Variants in PCDH11Y observed in about 807,000 individuals in gnomAD.
The protein encoded by PCDH11Y is protocadherin-11 Y-linked.
For synonymous variants in PCDH11Y, 9 were observed against 83.6 expected, an observed-to-expected ratio of 0.11 and a Z score of 4.87; for missense variants, 12 against 224.8, an observed-to-expected ratio of 0.05 and a Z score of 6.05.
intron 2 of PCDH11Y, among the ~76,000 whole-genome samples, chrY:5,224,574 T>G: frequency 6.2e-5 from 2 of 32,457 alleles, no homozygotes; most frequent in African/African-American, 2.4e-4. Flanking sequence ...TATGGGGGGT[T>G]TAAAAACATG....
intron 4 of PCDH11Y, among the ~76,000 whole-genome samples, chrY:5,597,699 T>C: frequency 3.1e-5 from 1 of 31,929 alleles, no homozygotes; most frequent in Non-Finnish European, 7.6e-5. Context: ...TGGAGACCAT[T>C]ATTCTAAGTG....
intron 2 of PCDH11Y, among the ~76,000 whole-genome samples, chrY:5,312,987 A>AT (rs2053103461): frequency 2.3e-3 from 70 of 30,947 alleles, no homozygotes; most frequent in Admixed American, 0.02. Flanking sequence ...AAAGTATTAG[A>AT]TTTTTTTTTT....
intron 4 of PCDH11Y, among the ~76,000 whole-genome samples, chrY:5,685,175 A>C: frequency 3.1e-5 from 1 of 31,868 alleles, no homozygotes; most frequent in Non-Finnish European, 7.7e-5. Context: ...CCAAGGGTGG[A>C]TATAAATTTT....
chrY:5,673,317 C>T, intron 4 of PCDH11Y, among the ~76,000 whole-genome samples: 1 of 23,163 alleles, frequency 4.3e-5, no homozygotes. Context: ...CAACGTATCT[C>T]TATCTGCAAA....
At chrY:5,549,650 C>T (rs1602941887) in intron 3 of PCDH11Y, among the ~76,000 whole-genome samples, 1 of 33,448 alleles carries the variant, frequency 3.0e-5, no homozygotes, top group Non-Finnish European at 7.5e-5. Flanking sequence ...TAGAGGAACA[C>T]GCACACAAAT....
intron 2 of PCDH11Y, among the ~76,000 whole-genome samples, chrY:5,326,596 G>T: frequency 3.1e-5 from 1 of 32,067 alleles, no homozygotes; most frequent in African/African-American, 1.2e-4. Context: ...ATGGGGAAAT[G>T]GGGTGAATAT....
chrY:5,317,543 T>C (rs374122830), intron 2 of PCDH11Y, among the ~76,000 whole-genome samples: 3 of 32,617 alleles, frequency 9.2e-5, no homozygotes, highest in Non-Finnish European at 2.3e-4. Context: ...TTGTGACTGA[T>C]TGAGTTATTG....
intron 1 of PCDH11Y, chrY:5,031,200 T>C: frequency 3.3e-5 from 1 of 30,406 alleles, no homozygotes; most frequent in Non-Finnish European, 7.9e-5. Flanking sequence ...TAATAAAATA[T>C]TTTTATCATT....
intron 4 of PCDH11Y, among the ~76,000 whole-genome samples, chrY:5,685,317 T>G: frequency 3.2e-5 from 1 of 30,785 alleles, no homozygotes; most frequent in East Asian, 8.6e-4. Flanking sequence ...CTTTTTGTGG[T>G]GGTTGCTGTT....
intron 2 of PCDH11Y, among the ~76,000 whole-genome samples, chrY:5,330,489 G>C: frequency 3.0e-5 from 1 of 33,765 alleles, no homozygotes; most frequent in Non-Finnish European, 7.4e-5. Flanking sequence ...GTTTCCATAT[G>C]TAGATATAAA....
At chrY:5,217,821 A>G in intron 2 of PCDH11Y, among the ~76,000 whole-genome samples, 3 of 34,333 alleles carry the variant, frequency 8.7e-5, no homozygotes, top group African/African-American at 3.4e-4. Flanking sequence ...CTTTCAGATT[A>G]ACAAGTTTGC....
At chrY:5,714,472 C>A in intron 4 of PCDH11Y, among the ~76,000 whole-genome samples, 8 of 30,990 alleles carry the variant, frequency 2.6e-4, no homozygotes, top group African/African-American at 2.5e-4. Flanking sequence ...TCCAGCAATG[C>A]GAATTTAAAA....
chrY:5,560,358 G>A (rs2053427625), intron 3 of PCDH11Y, among the ~76,000 whole-genome samples: 1 of 33,390 alleles, frequency 3.0e-5, no homozygotes. Context: ...AGAAATGAAA[G>A]CCAATTGTAG....
rs372423272 is a variant in PCDH11Y, at chrY:5,378,706, T to C, written c.3130-122351T>C. Among the ~76,000 whole-genome samples, 128 of 33,372 alleles carry C rather than the reference T, an allele frequency of 3.8e-3. No individual in the cohort carries two copies. In the East Asian group the frequency reaches 0.088, roughly 23 times the overall value. 89.5% of individuals were successfully genotyped at this position (33,372 alleles called of 37,273 possible). A position where few individuals can be genotyped will look rare whatever the true frequency, so the allele number is the denominator to read the frequency against. Reference sequence around the variant, plus strand: ...AACAAGAATTCTATCATCAAGGAAATTTAAAGTTTTGGTAAAGACTATATA... The same window carrying C: ...AACAAGAATTCTATCATCAAGGAAACTTAAAGTTTTGGTAAAGACTATATA... On this transcript the variant is annotated intron_variant, in intron 2 of 4. Coordinates refer to the PCDH11Y transcript ENST00000400457.
intron 4 of PCDH11Y, among the ~76,000 whole-genome samples, chrY:5,650,824 A>G: frequency 3.1e-5 from 1 of 32,439 alleles, no homozygotes; most frequent in Non-Finnish European, 7.6e-5. Context: ...CTAATACTGA[A>G]AAAAAAATTG....
At chrY:5,346,621 C>G (rs2053152892) in intron 2 of PCDH11Y, among the ~76,000 whole-genome samples, 2 of 32,777 alleles carry the variant, frequency 6.1e-5, no homozygotes, top group African/African-American at 1.2e-4. Flanking sequence ...CTCAGCTTCC[C>G]GAGTAGCTGG....
intron 4 of PCDH11Y, among the ~76,000 whole-genome samples, chrY:5,732,623 T>C (rs2053605946): frequency 3.2e-5 from 1 of 31,575 alleles, no homozygotes; most frequent in African/African-American, 1.3e-4. Context: ...ACCATATGCT[T>C]TGGTGATACT....
At chrY:5,410,264 G>T (rs2053245449) in intron 2 of PCDH11Y, among the ~76,000 whole-genome samples, 1 of 32,274 alleles carries the variant, frequency 3.1e-5, no homozygotes, top group Non-Finnish European at 7.5e-5. Context: ...TAAGCTACTT[G>T]GGAGGCTGAG....
chrY:5,108,514 A>C (rs1602868867), downstream of PCDH11Y, among the ~76,000 whole-genome samples: 1 of 31,562 alleles, frequency 3.2e-5, no homozygotes, highest in Non-Finnish European at 7.7e-5. Context: ...TTGGGAGGCC[A>C]AGGCGGGAGG....
Sources: allele counts gnomAD v4.1 joint callset (sites outside exome capture counted in the v4.1 genomes callset), GRCh38; gene constraint gnomAD v4.1.1; transcripts MANE v1.5; gene names NCBI Gene and HGNC (gene_info 2026-07-23, HGNC 2026-07-21).